CERS3: variants seen among roughly 807,000 people sequenced by gnomAD.
The protein encoded by CERS3 is ceramide synthase 3.
CERS3 carries 33 observed loss-of-function variants against 50.3 expected under a neutral mutation model. That is an observed-to-expected ratio of 0.66 (90% confidence interval 0.50 to 0.88). The LOEUF (loss-of-function observed/expected upper bound fraction) is 0.88, where lower values mean the gene tolerates loss of function less well. Ranked by LOEUF, CERS3 falls within the 40% of genes least tolerant of loss-of-function variation. The probability of loss-of-function intolerance (pLI) is 0.00; values close to 1 mark genes in which losing one functional copy is unlikely to be tolerated. For synonymous variants in CERS3, 176 were observed against 155.2 expected (o/e 1.13, Z -0.99); for missense variants, 470 against 460.3 (o/e 1.02, Z -0.19).
At position 100,402,662 on chromosome 15, in the gene CERS3, G is replaced by C; in HGVS notation, c.*51C>G. On this transcript the variant is annotated 3_prime_UTR_variant, in exon 12 of 12. Coordinates refer to ENST00000679737, the MANE Select transcript of CERS3 (RefSeq NM_001378789.1). ...CGGTGTGGGGCCTGGAAGCCAGGCT[G>C]CCAACAGTACTTGCAGCATGCTGTG... 1 of 1,575,336 alleles carries C rather than the reference G, an allele frequency of 6.3e-7. No homozygotes were observed. Among genetic ancestry groups the C allele is most frequent in the Non-Finnish European group, 8.6e-7 (1 of 1,160,384 alleles).
rs1260220409 is a variant in CERS3, at chr15:100,479,427, C to G, written c.516+1G>C. 1.2e-6 allele frequency: 2 copies of G among 1,601,460 alleles called. No individual in the cohort carries two copies. Among genetic ancestry groups the G allele is most frequent in the African/African-American group, 1.4e-5 (1 of 74,012 alleles). On this transcript the variant is annotated splice_donor_variant, in intron 7 of 11. Coordinates refer to ENST00000679737, the MANE Select transcript of CERS3 (RefSeq NM_001378789.1). LOFTEE classifies it high-confidence loss of function. ...GGAGGAATATGTTATAGTGGACTTACCTGTTTGGGATAGCCATTCCAAACC... is the reference window on the plus strand; with the variant it reads ...GGAGGAATATGTTATAGTGGACTTAGCTGTTTGGGATAGCCATTCCAAACC...
intron 2 of CERS3, among the ~76,000 whole-genome samples, chr15:100,521,434 T>G (rs1046835804): frequency 2.6e-5 from 4 of 152,174 alleles, no homozygotes; most frequent in African/African-American, 9.7e-5. Flanking sequence ...CTTTGCTACC[T>G]GCTGCTGTCA....
intron 9 of CERS3, among the ~76,000 whole-genome samples, chr15:100,470,526 T>C (rs188395826): frequency 9.2e-5 from 14 of 151,736 alleles, no homozygotes; most frequent in Non-Finnish European, 1.9e-4. Context: ...AGAGTGACTG[T>C]AGTGGAGTGG....
At chr15:100,455,737 C>G (rs532709436) in intron 11 of CERS3, among the ~76,000 whole-genome samples, 156 bp downstream of exon 11, 2 of 152,210 alleles carry the variant, frequency 1.3e-5, no homozygotes, top group East Asian at 3.9e-4. Flanking sequence ...TATGAAAAAT[C>G]TAGCTCTATT....
At chr15:100,461,148 C>T (rs1322563470) in intron 10 of CERS3, among the ~76,000 whole-genome samples, 1 of 152,102 alleles carries the variant, frequency 6.6e-6, no homozygotes, top group East Asian at 1.9e-4. Context: ...ACATGTGGAA[C>T]AGAATATCAG....
chr15:100,512,600 G>A (rs1027376614), intron 2 of CERS3, among the ~76,000 whole-genome samples: 9 of 152,312 alleles, frequency 5.9e-5, no homozygotes, highest in African/African-American at 1.7e-4. Context: ...CAATATCCCA[G>A]AGGTGTGACT....
upstream of CERS3, among the ~76,000 whole-genome samples, chr15:100,531,294 C>A (rs2036933097): frequency 6.6e-6 from 1 of 152,174 alleles, no homozygotes; most frequent in African/African-American, 2.4e-5. Context: ...GAGTCACTGT[C>A]AAGGTGTAAT....
Position 100,503,681 on chromosome 15 carries a change from TC to T in CERS3, c.-1-1832del, listed in dbSNP as rs552154647. On this transcript the variant is annotated intron_variant, in intron 2 of 11. Transcript: ENST00000679737. ...AATGAGGACTGGATTTCAAGCCCCCTCCCCACTTTGCTTCACCCGGGCACAT... is the reference window on the plus strand; with the variant it reads ...AATGAGGACTGGATTTCAAGCCCCCTCCCACTTTGCTTCACCCGGGCACAT... The T allele has an allele frequency of 3.9e-3, 1,816 of 470,812 alleles. 19 individuals are homozygous for T. Among genetic ancestry groups the T allele is most frequent in the South Asian group, 0.017 (1,122 of 64,524 alleles). 29.2% of individuals were successfully genotyped at this position (470,812 alleles called of 1,614,324 possible).
rs2030621550 is a variant in CERS3, at chr15:100,402,495, C to A, written c.*218G>T. 25 of 527,590 alleles carry A rather than the reference C, an allele frequency of 4.7e-5. No individual in the cohort carries two copies. The highest frequency in any genetic ancestry group is 5.4e-5 in the Non-Finnish European group (16 of 298,678). The allele number at this position is 527,590 out of a possible 1,614,324, so 32.7% of individuals were successfully genotyped here. ...TGGAGAAATCTTTGAAATCTTTGAC[C>A]AGTCTGAGTCCTAACTGCAGTAAAA... On this transcript the variant is annotated 3_prime_UTR_variant, in exon 12 of 12. Coordinates refer to ENST00000679737, the MANE Select transcript of CERS3 (RefSeq NM_001378789.1).
chr15:100,462,802 C>T (rs1225854314), intron 10 of CERS3, among the ~76,000 whole-genome samples: 1 of 152,112 alleles, frequency 6.6e-6, no homozygotes, highest in Non-Finnish European at 1.5e-5. Context: ...CAGCTAAATG[C>T]AATACGTGAT....
intron 2 of CERS3, among the ~76,000 whole-genome samples, chr15:100,504,688 C>G (rs1243943416): frequency 6.6e-6 from 1 of 152,038 alleles, no homozygotes; most frequent in East Asian, 1.9e-4. Flanking sequence ...GCTTCGGGGA[C>G]ACAGAAAGGA....
chr15:100,531,106 CA>C (rs926299199), upstream of CERS3, among the ~76,000 whole-genome samples: 2 of 151,920 alleles, frequency 1.3e-5, no homozygotes. Context: ...AAACAAAAAA[CA>C]AAAAAACCAA....
chr15:100,517,914 G>T (rs920444824), intron 2 of CERS3, among the ~76,000 whole-genome samples: 4 of 152,192 alleles, frequency 2.6e-5, no homozygotes, highest in Non-Finnish European at 5.9e-5. Context: ...CACAAGAAAA[G>T]TTAGAGCAAT....
intron 3 of CERS3, among the ~76,000 whole-genome samples, chr15:100,493,524 T>C (rs2035713187): frequency 6.6e-6 from 1 of 152,212 alleles, no homozygotes; most frequent in African/African-American, 2.4e-5. Context: ...TGTAGTTCTC[T>C]TTAAATGTAT....
intron 11 of CERS3, among the ~76,000 whole-genome samples, chr15:100,416,272 G>C (rs2031898611): frequency 6.6e-6 from 1 of 152,120 alleles, no homozygotes; most frequent in Non-Finnish European, 1.5e-5. Flanking sequence ...GAATGGTACT[G>C]GTACAAAAGC....
intron 11 of CERS3, among the ~76,000 whole-genome samples, chr15:100,421,369 C>T (rs2142090270): frequency 6.6e-6 from 1 of 151,988 alleles, no homozygotes; most frequent in East Asian, 1.9e-4. Flanking sequence ...AGGAATCCAA[C>T]TTACAAGGGA....
intron 2 of CERS3, among the ~76,000 whole-genome samples, chr15:100,506,462 C>CCCCA (rs1240288223): frequency 5.8e-4 from 4 of 6,866 alleles, no homozygotes; most frequent in East Asian, 0.016. Context: ...GAAATCGGGA[C>CCCCA]CCCCCCGCCG....
chr15:100,408,920 G>A (rs1052315341), intron 11 of CERS3: 1 of 152,166 alleles, frequency 6.6e-6, no homozygotes, highest in South Asian at 2.1e-4. Context: ...GGAAACTGAG[G>A]CTCAGGGGGG....
At chr15:100,443,907 C>G (rs375666908) in intron 11 of CERS3, among the ~76,000 whole-genome samples, 1 of 152,182 alleles carries the variant, frequency 6.6e-6, no homozygotes, top group Non-Finnish European at 1.5e-5. Flanking sequence ...CAAAAGGAAA[C>G]GTAGCTGACC....
Sources: gnomAD v4.1 joint callset for allele counts (sites outside exome capture counted in the v4.1 genomes callset) on GRCh38, gnomAD v4.1.1 for gene constraint, MANE v1.5 for transcripts, NCBI Gene and HGNC (gene_info 2026-07-23, HGNC 2026-07-21) for gene names.